OSBPL10: variants seen among roughly 807,000 people sequenced by gnomAD.
OSBPL10 encodes the protein oxysterol-binding protein-related protein 10.
In OSBPL10, 49 loss-of-function variants were observed where a neutral mutation model predicts 81.7. The ratio of observed to expected loss-of-function variants is 0.60; its 90% CI spans 0.48 to 0.76. OSBPL10 has a LOEUF of 0.76. Ranked by LOEUF, OSBPL10 falls within the 30% of genes least tolerant of loss-of-function variation. The probability of loss-of-function intolerance (pLI) is 0.00; values close to 1 mark genes in which losing one functional copy is unlikely to be tolerated. For missense variants in OSBPL10, 923 were observed against 987.8 expected (o/e 0.93, Z 0.88); for synonymous variants, 419 against 383.6 (o/e 1.09, Z -1.08).
intron 6 of OSBPL10, among the ~76,000 whole-genome samples, chr3:31,723,939 T>C (rs540421477): frequency 2.0e-4 from 31 of 152,308 alleles, no homozygotes; most frequent in African/African-American, 7.5e-4. Context: ...AGCTCATTTA[T>C]ACTGGTATAA....
In OSBPL10 at chr3:31,747,890, C is replaced by A. The variant is rs760314894; in HGVS notation, c.940+20G>T. 7 of 1,611,336 alleles carry A rather than the reference C, an allele frequency of 4.3e-6. No individual in the cohort carries two copies. The highest frequency in any genetic ancestry group is 5.9e-6 in the Non-Finnish European group (7 of 1,179,008). ...TGTGTGTACTCATCCCAAACATGGA[C>A]AAGCCCCCGGGGGTCTTACCCGAGG... On this transcript the variant is annotated intron_variant, in intron 5 of 11. Transcript: ENST00000396556.
chr3:32,059,705 C>G (rs1223534410), intron 1 of OSBPL10, among the ~76,000 whole-genome samples: 1 of 151,870 alleles, frequency 6.6e-6, no homozygotes, highest in Non-Finnish European at 1.5e-5. Context: ...ATTTCTTGAG[C>G]CCAGGAGTTC....
intron 4 of OSBPL10, among the ~76,000 whole-genome samples, chr3:31,790,983 A>C (rs939530607): frequency 2.0e-5 from 3 of 152,222 alleles, no homozygotes; most frequent in African/African-American, 4.8e-5. Flanking sequence ...TGGCATGAAG[A>C]ACTGGGCACT....
At chr3:32,041,277 C>T (rs1699572781) in intron 2 of OSBPL10, among the ~76,000 whole-genome samples, 1 of 152,218 alleles carries the variant, frequency 6.6e-6, no homozygotes. Flanking sequence ...AGTAGATTAA[C>T]TCATAGAAAA....
intron 1 of OSBPL10, among the ~76,000 whole-genome samples, chr3:31,891,539 A>G (rs1045212753): frequency 6.6e-6 from 1 of 152,222 alleles, no homozygotes; most frequent in African/African-American, 2.4e-5. Flanking sequence ...CTGCTTATAA[A>G]ACAAGAATTT....
chr3:31,849,759 T>C (rs1700715371), intron 3 of OSBPL10, among the ~76,000 whole-genome samples: 2 of 152,150 alleles, frequency 1.3e-5, no homozygotes, highest in Admixed American at 6.6e-5. Context: ...AAGACTGGGC[T>C]GGGTATGGTG....
chr3:31,965,853 GATAAT>G (rs1176211606), intron 1 of OSBPL10, among the ~76,000 whole-genome samples: 3 of 52,934 alleles, frequency 5.7e-5, no homozygotes, highest in African/African-American at 2.3e-4. Flanking sequence ...TATATAAAAA[GATAAT>G]ATATAATACA....
intron 4 of OSBPL10, among the ~76,000 whole-genome samples, chr3:31,815,498 T>C (rs1161572764): frequency 1.3e-5 from 2 of 152,074 alleles, no homozygotes; most frequent in Non-Finnish European, 2.9e-5. Context: ...CAATAAGAAA[T>C]GTTAATGGTC....
At chr3:31,996,667 C>T (rs1212576324) in intron 2 of OSBPL10, among the ~76,000 whole-genome samples, 4 of 152,068 alleles carry the variant, frequency 2.6e-5, no homozygotes, top group African/African-American at 4.8e-5. Context: ...CGGGTGCTGA[C>T]GTTTCTTTTT....
chr3:31,800,373 G>A (rs1306331969), intron 4 of OSBPL10, among the ~76,000 whole-genome samples: 1 of 152,240 alleles, frequency 6.6e-6, no homozygotes, highest in Non-Finnish European at 1.5e-5. Context: ...TGGGAGAACA[G>A]AGAAAAAGTA....
At chr3:31,978,745 A>G (rs1403925772) in intron 1 of OSBPL10, among the ~76,000 whole-genome samples, 1 of 152,240 alleles carries the variant, frequency 6.6e-6, no homozygotes, top group South Asian at 2.1e-4. Flanking sequence ...AACTCAATAA[A>G]GATGAGACAT....
chr3:31,958,007 T>C (rs1177242686), intron 1 of OSBPL10, among the ~76,000 whole-genome samples: 3 of 152,222 alleles, frequency 2.0e-5, no homozygotes, highest in Non-Finnish European at 4.4e-5. Context: ...TATGGTCATT[T>C]GTTTCTTGGT....
intron 2 of OSBPL10, among the ~76,000 whole-genome samples, chr3:32,032,542 C>T (rs754205360): frequency 6.6e-6 from 1 of 151,914 alleles, no homozygotes; most frequent in Non-Finnish European, 1.5e-5. Flanking sequence ...CTTGCATGAC[C>T]CCTCCTCCAC....
intron 1 of OSBPL10, among the ~76,000 whole-genome samples, chr3:32,069,094 C>T (rs1475635266): frequency 2.0e-5 from 3 of 152,156 alleles, no homozygotes; most frequent in African/African-American, 7.2e-5. Context: ...AGTCAGGGTA[C>T]ATGTGCCTTT....
chr3:31,730,086 T>C (rs1696924325), intron 6 of OSBPL10, among the ~76,000 whole-genome samples: 1 of 152,192 alleles, frequency 6.6e-6, no homozygotes, highest in Non-Finnish European at 1.5e-5. Flanking sequence ...CTCACGCCTG[T>C]AATCCCAACA....
intron 3 of OSBPL10, among the ~76,000 whole-genome samples, chr3:31,841,066 G>A (rs1700481143): frequency 1.3e-5 from 2 of 152,100 alleles, no homozygotes; most frequent in African/African-American, 4.8e-5. Context: ...GTGCCACCAC[G>A]CCCAGCTAAT....
At position 31,662,013 on chromosome 3, in the gene OSBPL10, C is replaced by A. The variant is rs1700082409; in HGVS notation, c.*59G>T. On this transcript the variant is annotated 3_prime_UTR_variant, in exon 12 of 12. Transcript: ENST00000396556. ...ATGCCAACAAAACCCTGATACTCTA[C>A]TACTTTAATATTCCTACAAAAACAG... The A allele has an allele frequency of 6.3e-7, 1 of 1,597,320 alleles. No homozygotes were observed. Among genetic ancestry groups the A allele is most frequent in the Admixed American group, 1.8e-5 (1 of 56,392 alleles).
At chr3:32,002,352 C>G (rs919659997) in intron 2 of OSBPL10, among the ~76,000 whole-genome samples, 1 of 152,156 alleles carries the variant, frequency 6.6e-6, no homozygotes, top group African/African-American at 2.4e-5. Context: ...CATAGGGTAT[C>G]TCCCCAAACA....
chr3:31,695,160 C>T (rs1695675158), intron 7 of OSBPL10, among the ~76,000 whole-genome samples: 2 of 152,324 alleles, frequency 1.3e-5, no homozygotes, highest in East Asian at 3.9e-4. Flanking sequence ...GTTTTAGCCA[C>T]AGTCTGCATC....
Sources: allele counts gnomAD v4.1 joint callset (sites outside exome capture counted in the v4.1 genomes callset), GRCh38; gene constraint gnomAD v4.1.1; transcripts MANE v1.5; gene names NCBI Gene and HGNC (gene_info 2026-07-23, HGNC 2026-07-21).